The following ADH1A variants were observed in gnomAD, a reference collection of about 807,000 sequenced individuals.
ADH1A encodes alcohol dehydrogenase 1A.
Under a neutral mutation model 35.2 loss-of-function variants are expected in ADH1A, and 29 were observed. The ratio of observed to expected loss-of-function variants is 0.82; its 90% CI spans 0.61 to 1.12. The LOEUF (loss-of-function observed/expected upper bound fraction) is 1.12, where lower values mean the gene tolerates loss of function less well. Ranked by LOEUF, ADH1A falls within the 50% of genes most tolerant of loss-of-function variation. ADH1A has a pLI of 0.00. For missense variants in ADH1A, 469 were observed against 464.7 expected, an observed-to-expected ratio of 1.01 and a Z score of -0.09; for synonymous variants, 147 against 164.8, an observed-to-expected ratio of 0.89 and a Z score of 0.83.
At chr4:99,285,081 A>C (rs1733116568) in intron 3 of ADH1A, among the ~76,000 whole-genome samples, 1 of 152,194 alleles carries the variant, frequency 6.6e-6, no homozygotes, top group African/African-American at 2.4e-5. Flanking sequence ...AGTTACTTTC[A>C]TGTGGTGTAC....
rs773760678 is a variant in ADH1A, at chr4:99,279,572, G to T, written c.965-8C>A. The T allele has an allele frequency of 6.2e-7, 1 of 1,606,240 alleles. No individual in the cohort carries two copies. Among genetic ancestry groups the T allele is most frequent in the Non-Finnish European group, 8.5e-7 (1 of 1,177,674 alleles). On this transcript the variant is annotated splice_region_variant and splice_polypyrimidine_tract_variant and intron_variant, in intron 7 of 8. Transcript: ENST00000209668. ...ATTCTTTACTTTTAAAGCCTGAAAA[G>T]AAGATGGTATCATTGTTAGATTCAA...
chr4:99,280,232 G>A lies in ADH1A; in HGVS notation c.876C>T (p.Ile292=), dbSNP rs1262171039. ...CCHEACGTSV[I]VGVPPDSQNL... ...TTTGGGAATCAGGAGGTACCCCTAC[G>A]ATGACACTTGTGCCACATGCCTCAT... The change falls in exon 7 of 9, where the codon ATC becomes ATT. Residue 292 remains isoleucine (I), a synonymous_variant. Coordinates refer to ENST00000209668, the MANE Select transcript of ADH1A (RefSeq NM_000667.4). 2 of 1,613,786 alleles carry A rather than the reference G, an allele frequency of 1.2e-6. No homozygotes were observed. The highest frequency in any genetic ancestry group is 1.1e-5 in the South Asian group (1 of 91,060).
intron 5 of ADH1A, among the ~76,000 whole-genome samples, chr4:99,283,289 A>G (rs1733050868): frequency 1.3e-5 from 2 of 152,206 alleles, no homozygotes; most frequent in Non-Finnish European, 2.9e-5. Context: ...GTTAAAATAG[A>G]CGAGGCAATT....
chr4:99,287,785 T>C lies in ADH1A; in HGVS notation c.19-120A>G. The C allele has an allele frequency of 3.8e-6, 4 of 1,045,728 alleles. No individual in the cohort carries two copies. The South Asian group carries it at 6.8e-5, about 18-fold the overall frequency. 64.8% of individuals were successfully genotyped at this position (1,045,728 alleles called of 1,614,324 possible). On this transcript the variant is annotated intron_variant, in intron 1 of 8. Coordinates refer to ENST00000209668, the MANE Select transcript of ADH1A (RefSeq NM_000667.4). ...CATGTCTGGTACCTAACAAGTGCTCTATAGAAATGATCACCTCTGATTTAT... is the reference window on the plus strand; with the variant it reads ...CATGTCTGGTACCTAACAAGTGCTCCATAGAAATGATCACCTCTGATTTAT...
rs1411151764 is a variant in ADH1A at position 99,282,538 on chromosome 4, A to G, written c.636T>C (p.Cys212=). 1 of 1,614,208 alleles carries G rather than the reference A, an allele frequency of 6.2e-7. No homozygotes were observed. The highest frequency in any genetic ancestry group is 8.5e-7 in the Non-Finnish European group (1 of 1,180,038). ...GGVGLSAIMG[C]KAAGAARIIA... ...TGATTCTGGCTGCCCCAGCTGCTTT[A>G]CAGCCCATAATAGCAGATAGGCCGA... Residue 212 remains cysteine (C), a synonymous_variant, in exon 6 of 9, where the codon TGT becomes TGC. Coordinates refer to ENST00000209668, the MANE Select transcript of ADH1A (RefSeq NM_000667.4).
In ADH1A at chr4:99,279,543, A is replaced by G. The variant is rs1732946308; in HGVS notation, c.986T>C (p.Val329Ala). The G allele has an allele frequency of 6.2e-7, 1 of 1,611,148 alleles. No homozygotes were observed. The highest frequency in any genetic ancestry group is 1.1e-5 in the South Asian group (1 of 90,066). Residue 329 changes from valine to alanine, a missense_variant, in exon 8 of 9, where the codon GTC becomes GCC. Val to Ala is a moderately conservative substitution (Grantham distance 64). Transcript: ENST00000209668. The stretch of plus-strand genomic sequence containing the variant: ...CATAAAATCAGCCACAAGTTTTGGG[A>G]CACATTCTTTACTTTTAAAGCCTGA... The part of the protein sequence containing the change: ...ILGGFKSKEC[V>A]PKLVADFMAK...
At chr4:99,290,095 TAAAA>T (rs1733256622) in intron 1 of ADH1A, among the ~76,000 whole-genome samples, 1 of 152,190 alleles carries the variant, frequency 6.6e-6, no homozygotes, top group African/African-American at 2.4e-5. Context: ...ATTAGGCAAT[TAAAA>T]TATCAATTGA....
At chr4:99,286,430 G>T (rs1043973009) in intron 3 of ADH1A, among the ~76,000 whole-genome samples, 2 of 152,264 alleles carry the variant, frequency 1.3e-5, no homozygotes, top group African/African-American at 4.8e-5. Flanking sequence ...CGTCCATTTT[G>T]TGAACTCAGC....
chr4:99,287,460 G>A (rs1733180816), intron 2 of ADH1A, 104 bp downstream of exon 2: 2 of 1,100,572 alleles, frequency 1.8e-6, no homozygotes, highest in South Asian at 1.6e-5. Context: ...TTGACAACAA[G>A]TATATTCTAT....
intron 2 of ADH1A, 39 bp from the exon 3 acceptor site, chr4:99,287,027 GT>G: frequency 6.3e-7 from 1 of 1,580,970 alleles, no homozygotes. Flanking sequence ...AAGATTGTGA[GT>G]CTCAGGTGAA....
At chr4:99,285,569 A>C (rs1181761704) in intron 3 of ADH1A, among the ~76,000 whole-genome samples, 5 of 152,142 alleles carry the variant, frequency 3.3e-5, no homozygotes, top group Non-Finnish European at 7.4e-5. Flanking sequence ...TACTATTAGT[A>C]TTATTTAGTA....
chr4:99,288,359 ATG>A (rs1384272333), intron 1 of ADH1A, among the ~76,000 whole-genome samples: 1 of 122,758 alleles, frequency 8.1e-6, no homozygotes, highest in Non-Finnish European at 2.0e-5. Context: ...GTGTGTGTGT[ATG>A]TGTGTGTGTG....
At chr4:99,278,523 T>A (rs948065457) in intron 8 of ADH1A, 2 of 152,164 alleles carry the variant, frequency 1.3e-5, no homozygotes, top group Non-Finnish European at 2.9e-5. Context: ...AGACACTTAG[T>A]AGAACAGCTG....
Position 99,284,805 on chromosome 4 carries a change from TGGAGAGGGATAAAACAAATTC to T in ADH1A, c.260-23_260-3del. 2.5e-6 allele frequency: 4 copies of T among 1,612,976 alleles called. No homozygotes were observed. Among genetic ancestry groups the T allele is most frequent in the Non-Finnish European group, 3.4e-6 (4 of 1,178,960 alleles). On this transcript the variant is annotated splice_region_variant and splice_polypyrimidine_tract_variant and intron_variant, in intron 3 of 8. Transcript: ENST00000209668. ...TAGCGAGTGGGATGACTTTATCACCTGGAGAGGGATAAAACAAATTCTTTTACAATTTCTATCCAGGTATTA... is the reference window on the plus strand; with the variant it reads ...TAGCGAGTGGGATGACTTTATCACCTTTTTACAATTTCTATCCAGGTATTA...
chr4:99,283,026 C>A (rs931727147), intron 5 of ADH1A, among the ~76,000 whole-genome samples: 1 of 152,148 alleles, frequency 6.6e-6, no homozygotes, highest in African/African-American at 2.4e-5. Flanking sequence ...CATATATACA[C>A]AAAGGCAATA....
intron 1 of ADH1A, among the ~76,000 whole-genome samples, chr4:99,289,266 T>A (rs1733234111): frequency 1.3e-5 from 2 of 152,198 alleles, no homozygotes; most frequent in African/African-American, 2.4e-5. Context: ...CAAATTGTGC[T>A]GCTATAAACA....
At chr4:99,286,056 A>G (rs1309234374) in intron 3 of ADH1A, among the ~76,000 whole-genome samples, 1 of 149,892 alleles carries the variant, frequency 6.7e-6, no homozygotes, top group East Asian at 1.9e-4. Flanking sequence ...TTTTTTTAGA[A>G]TTAAACATAA....
intron 3 of ADH1A, among the ~76,000 whole-genome samples, chr4:99,286,021 C>CAAAAA (rs397938892): frequency 0.27 from 22,738 of 84,774 alleles, 3,496 homozygotes; most frequent in Non-Finnish European, 0.38. Flanking sequence ...GACTCCGTCT[C>CAAAAA]AAAAAAAAAA....
intron 5 of ADH1A, 45 bp downstream of exon 5, chr4:99,284,354 G>C (rs1390297327): frequency 6.3e-7 from 1 of 1,593,568 alleles, no homozygotes; most frequent in African/African-American, 1.3e-5. Flanking sequence ...TTGGGTTCCT[G>C]ACAGTCTGCG....
Sources: allele counts gnomAD v4.1 joint callset (sites outside exome capture counted in the v4.1 genomes callset), GRCh38; gene constraint gnomAD v4.1.1; transcripts MANE v1.5; gene names NCBI Gene and HGNC (gene_info 2026-07-23, HGNC 2026-07-21).